TRDN: variants seen among roughly 807,000 people sequenced by gnomAD.
The protein encoded by TRDN is triadin.
Under a neutral mutation model 149.7 loss-of-function variants are expected in TRDN, and 161 were observed. The observed-to-expected ratio is 1.08, with a 90% CI of 0.95 to 1.23. TRDN has a LOEUF of 1.23. Among genes scored for constraint, TRDN ranks in the 50% most tolerant of loss-of-function variants. TRDN has a pLI of 0.00. For synonymous variants in TRDN, 294 were observed against 250.5 expected (o/e 1.17, Z -1.64); for missense variants, 896 against 823.5 (o/e 1.09, Z -1.08).
chr6:123,254,187 T>A (rs533774504), intron 37 of TRDN, among the ~76,000 whole-genome samples: 1 of 152,236 alleles, frequency 6.6e-6, no homozygotes, highest in African/African-American at 2.4e-5. Context: ...TATTAAACAA[T>A]ATTTAAAAGA....
At position 123,559,180 on chromosome 6, in the gene TRDN, G is replaced by A. The variant is rs753575162; in HGVS notation, c.233-10568C>T. On this transcript the variant is annotated intron_variant, in intron 2 of 40. Coordinates refer to ENST00000334268, the MANE Select transcript of TRDN (RefSeq NM_006073.4). ...TTGGGTAACTCTCACAGTGGAGGGT[G>A]AGTCTGTCCCCTTCTTAATCAAAAT... is the stretch of plus-strand genomic sequence containing the variant. Among the ~76,000 whole-genome samples, 52 of 152,146 alleles carry A rather than the reference G, an allele frequency of 3.4e-4. 1 individual carries two copies. The highest frequency in any genetic ancestry group is 6.2e-4 in the Non-Finnish European group (42 of 68,042).
intron 38 of TRDN, among the ~76,000 whole-genome samples, chr6:123,231,907 C>G (rs951256293): frequency 2.6e-4 from 40 of 151,840 alleles, no homozygotes; most frequent in African/African-American, 9.4e-4. Context: ...AGTAGAATCC[C>G]CTCTTGGGAT....
At chr6:123,454,999 G>A (rs1776019244) in intron 10 of TRDN, among the ~76,000 whole-genome samples, 1 of 152,174 alleles carries the variant, frequency 6.6e-6, no homozygotes, top group Non-Finnish European at 1.5e-5. Flanking sequence ...GGATAATGAA[G>A]CTTGAGATAG....
chr6:123,437,699 C>T (rs918108833), intron 12 of TRDN, among the ~76,000 whole-genome samples: 2 of 152,092 alleles, frequency 1.3e-5, no homozygotes, highest in Non-Finnish European at 2.9e-5. Context: ...CCTCGCTCCA[C>T]ATTGTGAAAC....
chr6:123,551,451 T>A lies in TRDN; in HGVS notation c.233-2839A>T, dbSNP rs183311336. On this transcript the variant is annotated intron_variant, in intron 2 of 40. Transcript: ENST00000334268. ...AGACCTCACATCCAAATCCAGATCA[T>A]ATCAATGGAAAAAATATTATTCAAC... 5.0e-4 allele frequency among the ~76,000 whole-genome samples: 76 copies of A among 151,596 alleles called. No individual in the cohort carries two copies. In the East Asian group the frequency reaches 9.5e-3, roughly 19 times the overall value.
chr6:123,434,660 C>T (rs1562311119), intron 12 of TRDN, among the ~76,000 whole-genome samples: 1 of 152,084 alleles, frequency 6.6e-6, no homozygotes, highest in Non-Finnish European at 1.5e-5. Context: ...TAATACAAAC[C>T]TAGAGAGATG....
intron 1 of TRDN, among the ~76,000 whole-genome samples, chr6:123,627,601 A>G (rs1429911364): frequency 6.6e-6 from 1 of 152,208 alleles, no homozygotes; most frequent in Non-Finnish European, 1.5e-5. Flanking sequence ...CACCAGCTGC[A>G]TTATTCCCTA....
At chr6:123,585,133 G>A (rs1245120456) in intron 1 of TRDN, among the ~76,000 whole-genome samples, 1 of 135,660 alleles carries the variant, frequency 7.4e-6, no homozygotes, top group Non-Finnish European at 1.7e-5. Flanking sequence ...TCTTATACTT[G>A]TGGGTTAAGG....
intron 24 of TRDN, among the ~76,000 whole-genome samples, chr6:123,310,610 C>T (rs1041894784): frequency 2.0e-5 from 3 of 151,958 alleles, no homozygotes; most frequent in Non-Finnish European, 1.5e-5. Context: ...GGATGTAAAG[C>T]TGGAGAATTT....
At chr6:123,627,285 G>C (rs114146520) in intron 1 of TRDN, among the ~76,000 whole-genome samples, 6,660 of 152,126 alleles carry the variant, frequency 0.044, 487 homozygotes, top group African/African-American at 0.15. Flanking sequence ...CTTGAGCCAT[G>C]AGCTGCAAAA....
At chr6:123,504,119 T>C (rs1778815185) in intron 7 of TRDN, among the ~76,000 whole-genome samples, 1 of 151,892 alleles carries the variant, frequency 6.6e-6, no homozygotes. Flanking sequence ...GTTTATGAAG[T>C]GCTATATTAG....
intron 1 of TRDN, among the ~76,000 whole-genome samples, chr6:123,581,460 A>AGG (rs1296311925): frequency 6.6e-6 from 1 of 152,194 alleles, no homozygotes; most frequent in African/African-American, 2.4e-5. Flanking sequence ...TGCACAGTTA[A>AGG]GGCCCCAATA....
chr6:123,311,624 G>A (rs1254740055), intron 24 of TRDN, among the ~76,000 whole-genome samples: 7 of 151,978 alleles, frequency 4.6e-5, no homozygotes. Flanking sequence ...AGATCAGTAG[G>A]CCATAAGAAC....
chr6:123,391,359 C>T (rs1444244168), intron 13 of TRDN, among the ~76,000 whole-genome samples: 1 of 152,130 alleles, frequency 6.6e-6, no homozygotes, highest in South Asian at 2.1e-4. Context: ...AGCTCAGTAT[C>T]ATTTTTATTC....
intron 10 of TRDN, among the ~76,000 whole-genome samples, chr6:123,461,941 A>C (rs1434367299): frequency 1.3e-5 from 2 of 152,202 alleles, no homozygotes; most frequent in Non-Finnish European, 1.5e-5. Flanking sequence ...CCCTAGTAAG[A>C]GCTCCCAATA....
At chr6:123,269,592 T>C (rs913557901) in intron 31 of TRDN, among the ~76,000 whole-genome samples, 1 of 151,928 alleles carries the variant, frequency 6.6e-6, no homozygotes, top group South Asian at 2.1e-4. Flanking sequence ...AATCATTAAT[T>C]AGTAGTGATT....
intron 10 of TRDN, among the ~76,000 whole-genome samples, chr6:123,454,820 G>A (rs546261212): frequency 6.6e-6 from 1 of 152,306 alleles, no homozygotes; most frequent in East Asian, 1.9e-4. Flanking sequence ...GATCTGAAGT[G>A]GAACAGTTTC....
chr6:123,489,660 C>A (rs377049126), intron 9 of TRDN: 1 of 152,020 alleles, frequency 6.6e-6, no homozygotes, highest in East Asian at 1.9e-4. Context: ...TAAGCATTTT[C>A]TATTTCATCA....
chr6:123,593,674 C>T (rs1306580811), intron 1 of TRDN, among the ~76,000 whole-genome samples: 1 of 152,078 alleles, frequency 6.6e-6, no homozygotes, highest in Non-Finnish European at 1.5e-5. Context: ...ATAAGGATAC[C>T]AGTTATAATG....
Sources: gnomAD v4.1 joint callset for allele counts (sites outside exome capture counted in the v4.1 genomes callset) on GRCh38, gnomAD v4.1.1 for gene constraint, MANE v1.5 for transcripts, NCBI Gene and HGNC (gene_info 2026-07-23, HGNC 2026-07-21) for gene names.